CSNK1D: variants seen among roughly 807,000 people sequenced by gnomAD.
CSNK1D encodes the protein casein kinase 1 delta.
Under a neutral mutation model 46.6 loss-of-function variants are expected in CSNK1D, and 16 were observed. That is an observed-to-expected ratio of 0.34 (90% CI 0.23 to 0.52). The LOEUF (loss-of-function observed/expected upper bound fraction) is 0.52. Among genes scored for constraint, CSNK1D ranks in the 20% least tolerant of loss-of-function variants. The pLI is 0.95. For missense variants in CSNK1D, 398 were observed against 578.4 expected (o/e 0.69, Z 3.20); for synonymous variants, 276 against 228.2 (o/e 1.21, Z -1.89).
At position 82,252,871 on chromosome 17, in the gene CSNK1D, G is replaced by T; in HGVS notation, c.565+145C>A. ...GCATCCGCCTGCCCCCATACACCTG[G>T]CAGTCACGAGCCAGCCTGTCTGCCG... On this transcript the variant is annotated intron_variant, in intron 4 of 8. Transcript: ENST00000314028. The surrounding 1 kb of genome is among the most constrained non-coding windows in gnomAD (Gnocchi z 4.6). 1 of 806,164 alleles carries T rather than the reference G, an allele frequency of 1.2e-6. No individual in the cohort carries two copies. The highest frequency in any genetic ancestry group is 2.1e-6 in the Non-Finnish European group (1 of 479,764). 49.9% of individuals were successfully genotyped at this position (806,164 alleles called of 1,614,324 possible). A position where few individuals can be genotyped will look rare whatever the true frequency, so the allele number is the denominator to read the frequency against.
chr17:82,249,432 C>T lies in CSNK1D; in HGVS notation c.1056G>A (p.Thr352=), dbSNP rs1230709550. The change falls in exon 7 of 9, where the codon ACG becomes ACA. Residue 352 remains threonine (T), a splice_region_variant and synonymous_variant. Transcript: ENST00000314028. This position sits in a 1 kb window ranked among gnomAD's most constrained non-coding sequence, Gnocchi z 6.7. ...PPTPLTPTSH[T]ANTSPRPVSG... ...GAGCGCTGGGAGGGGGGCACTCACC[C>T]GTGTGTGAGGTAGGGGTGAGGGGTG... The T allele has an allele frequency of 1.0e-5, 16 of 1,536,452 alleles. No homozygotes were observed. The highest frequency in any genetic ancestry group is 9.8e-5 in the East Asian group (4 of 40,912).
intron 1 of CSNK1D, among the ~76,000 whole-genome samples, chr17:82,269,998 A>G (rs966155861): frequency 5.9e-5 from 9 of 152,254 alleles, no homozygotes; most frequent in African/African-American, 2.2e-4. Context: ...GGAGGGCGGC[A>G]CAGGGCCGGG....
chr17:82,251,605 C>T lies in CSNK1D; in HGVS notation c.737-78G>A, dbSNP rs1255636192. 5.6e-6 allele frequency: 8 copies of T among 1,425,956 alleles called. No individual in the cohort carries two copies. Among genetic ancestry groups the T allele is most frequent in the Non-Finnish European group, 7.8e-6 (8 of 1,019,710 alleles). 88.3% of individuals were successfully genotyped at this position (1,425,956 alleles called of 1,614,324 possible). On this transcript the variant is annotated intron_variant, in intron 5 of 8. Transcript: ENST00000314028. The surrounding 1 kb of genome is among the most constrained non-coding windows in gnomAD (Gnocchi z 4.5). ...GTGTCTCTGCCAACGTCGCTGTCTA[C>T]CTCCTGCTGCTGCACACTCAAGGGG...
chr17:82,267,354 G>A (rs1306869695), intron 1 of CSNK1D, among the ~76,000 whole-genome samples: 1 of 152,190 alleles, frequency 6.6e-6, no homozygotes, highest in Admixed American at 6.5e-5. Context: ...AGCAGAGTAA[G>A]GTCAAGTGAG....
intron 8 of CSNK1D, chr17:82,245,710 C>T (rs1599574524): frequency 1.2e-5 from 6 of 490,052 alleles, no homozygotes; most frequent in East Asian, 7.4e-5. Context: ...GCACACGGAA[C>T]GCAGTCACGG....
Position 82,248,449 on chromosome 17 carries a change from G to A in CSNK1D, c.1197+426C>T. ...AGGGTCTCACAAGAAGCCCGTGGAG[G>A]TCCCTACGGGCCTCCATCCCTGGCC... On this transcript the variant is annotated intron_variant, in intron 8 of 8. Coordinates refer to ENST00000314028, the MANE Select transcript of CSNK1D (RefSeq NM_001893.6). This position sits in a 1 kb window ranked among gnomAD's most constrained non-coding sequence, Gnocchi z 4.1. The A allele has an allele frequency of 9.7e-7, 1 of 1,035,792 alleles. No individual in the cohort carries two copies. Among genetic ancestry groups the A allele is most frequent in the Non-Finnish European group, 1.2e-6 (1 of 857,988 alleles). The allele number at this position is 1,035,792 out of a possible 1,614,324, so 64.2% of individuals were successfully genotyped here.
chr17:82,244,079 T>C lies in CSNK1D; in HGVS notation c.*702A>G, dbSNP rs559726415. The C allele has an allele frequency of 1.0e-6, 1 of 990,022 alleles. No homozygotes were observed. The highest frequency in any genetic ancestry group is 1.2e-6 in the Non-Finnish European group (1 of 832,550). 61.3% of individuals were successfully genotyped at this position (990,022 alleles called of 1,614,324 possible). A position where few individuals can be genotyped will look rare whatever the true frequency, so the allele number is the denominator to read the frequency against. Reference sequence around the variant, plus strand: ...AGTTCCTGACAGCAGGCATGTCAATTACGGGAGGAGGGAGGGTGAGACGCC... The same window carrying C: ...AGTTCCTGACAGCAGGCATGTCAATCACGGGAGGAGGGAGGGTGAGACGCC... On this transcript the variant is annotated 3_prime_UTR_variant, in exon 9 of 9. Transcript: ENST00000314028.
At chr17:82,254,932 G>A (rs1364727843) in intron 3 of CSNK1D, among the ~76,000 whole-genome samples, 1 of 141,328 alleles carries the variant, frequency 7.1e-6, no homozygotes, top group Non-Finnish European at 1.5e-5. Flanking sequence ...AGTGAGCTGA[G>A]CCATCGGAGC....
chr17:82,262,669 AGGACAATCTGCACAAGG>A (rs1217091958), intron 2 of CSNK1D, among the ~76,000 whole-genome samples: 2 of 152,184 alleles, frequency 1.3e-5, no homozygotes, highest in African/African-American at 2.4e-5. Flanking sequence ...CACCCATAAC[AGGACAATCTGCACAAGG>A]GGACAATCTG....
At chr17:82,246,943 C>G in intron 8 of CSNK1D, 1 of 985,522 alleles carries the variant, frequency 1.0e-6, no homozygotes, top group Non-Finnish European at 1.2e-6. Flanking sequence ...GGATTCAAAA[C>G]GGGAGCTGCT....
intron 2 of CSNK1D, among the ~76,000 whole-genome samples, chr17:82,262,082 T>A (rs1248873558): frequency 6.6e-6 from 1 of 152,258 alleles, no homozygotes; most frequent in East Asian, 1.9e-4. Context: ...TAGGTTTTCA[T>A]AAAAACTAGG....
chr17:82,265,641 G>A (rs1408464451), intron 2 of CSNK1D, 45 bp downstream of exon 2: 1 of 1,470,342 alleles, frequency 6.8e-7, no homozygotes, highest in South Asian at 1.1e-5. Context: ...GTTCTCCCTT[G>A]TCAAACAGAA....
At chr17:82,247,251 C>T in intron 8 of CSNK1D, 1 of 985,434 alleles carries the variant, frequency 1.0e-6, no homozygotes. Flanking sequence ...GTTCCTGCCA[C>T]AGCTCACCAT....
chr17:82,254,187 C>T (rs1383759702), intron 3 of CSNK1D: 4 of 266,564 alleles, frequency 1.5e-5, no homozygotes, highest in South Asian at 5.6e-5. Flanking sequence ...TGAGCTGAGC[C>T]GCCGGAGCCT....
At position 82,251,291 on chromosome 17, in the gene CSNK1D, G is replaced by A. The variant is rs1599586611; in HGVS notation, c.885+88C>T. On this transcript the variant is annotated intron_variant, in intron 6 of 8. Coordinates refer to ENST00000314028, the MANE Select transcript of CSNK1D (RefSeq NM_001893.6). This position sits in a 1 kb window ranked among gnomAD's most constrained non-coding sequence, Gnocchi z 4.5. ...CCAGAGACACTCCCTATATGGTACAGCCCCTCAACAAGACGGCCGCCGGCC... is the reference window on the plus strand; with the variant it reads ...CCAGAGACACTCCCTATATGGTACAACCCCTCAACAAGACGGCCGCCGGCC... The A allele has an allele frequency of 6.8e-7, 1 of 1,479,402 alleles. No individual in the cohort carries two copies. Among genetic ancestry groups the A allele is most frequent in the South Asian group, 1.2e-5 (1 of 86,646 alleles). The allele number at this position is 1,479,402 out of a possible 1,614,324, so 91.6% of individuals were successfully genotyped here.
chr17:82,265,175 A>G lies in CSNK1D; in HGVS notation c.187+511T>C, dbSNP rs142873137. 585 of 204,538 alleles carry G rather than the reference A, an allele frequency of 2.9e-3. 4 individuals are homozygous for G. The highest frequency in any genetic ancestry group is 0.013 in the African/African-American group (566 of 41,976). The allele number at this position is 204,538 out of a possible 1,614,324, so 12.7% of individuals were successfully genotyped here. ...TTTAAACAAAAGGACAAGATGGTAT[A>G]AGATTTTTTTTTTTTTTGGGGGGGA... On this transcript the variant is annotated intron_variant, in intron 2 of 8. Transcript: ENST00000314028.
At chr17:82,264,618 A>G (rs896697339) in intron 2 of CSNK1D, among the ~76,000 whole-genome samples, 1 of 152,072 alleles carries the variant, frequency 6.6e-6, no homozygotes, top group Non-Finnish European at 1.5e-5. Context: ...GAGCCCAGAG[A>G]GTATGAAGGG....
Position 82,249,637 on chromosome 17 carries a change from A to G in CSNK1D, c.886-35T>C. Reference sequence around the variant, plus strand: ...CAGGAGGTGAGGCCGGAATGGAACCAGCTTTGGCAGAAAGCAACCCTAGGT... The same window carrying G: ...CAGGAGGTGAGGCCGGAATGGAACCGGCTTTGGCAGAAAGCAACCCTAGGT... On this transcript the variant is annotated intron_variant, in intron 6 of 8. Coordinates refer to ENST00000314028, the MANE Select transcript of CSNK1D (RefSeq NM_001893.6). This position sits in a 1 kb window ranked among gnomAD's most constrained non-coding sequence, Gnocchi z 6.7. The G allele has an allele frequency of 6.4e-7, 1 of 1,551,568 alleles. No individual in the cohort carries two copies. Among genetic ancestry groups the G allele is most frequent in the Non-Finnish European group, 8.7e-7 (1 of 1,153,900 alleles).
downstream of CSNK1D, among the ~76,000 whole-genome samples, chr17:82,240,330 G>A (rs936573381): frequency 3.9e-5 from 6 of 152,008 alleles, no homozygotes; most frequent in African/African-American, 1.4e-4. Flanking sequence ...CGAGGAGGCA[G>A]GGAGCAGACG....
Sources: gnomAD v4.1 joint callset for allele counts (sites outside exome capture counted in the v4.1 genomes callset) on GRCh38, gnomAD v4.1.1 for gene constraint, Gnocchi (gnomAD v3.1) non-coding constraint, MANE v1.5 for transcripts, NCBI Gene and HGNC (gene_info 2026-07-23, HGNC 2026-07-21) for gene names.